FGF1: variants seen among roughly 807,000 people sequenced by gnomAD.
FGF1 encodes the protein beta-endothelial cell growth factor.
In FGF1, 9 loss-of-function variants were observed where a neutral mutation model predicts 13.4. The observed-to-expected ratio is 0.67, with a 90% CI of 0.40 to 1.17. The LOEUF (loss-of-function observed/expected upper bound fraction) is 1.17. Ranked by LOEUF, FGF1 falls within the 50% of genes most tolerant of loss-of-function variation. The pLI is 0.01. For missense variants in FGF1, 156 were observed against 192.7 expected, an observed-to-expected ratio of 0.81 and a Z score of 1.13; for synonymous variants, 93 against 79.0, an observed-to-expected ratio of 1.18 and a Z score of -0.94.
intron 1 of FGF1, among the ~76,000 whole-genome samples, chr5:142,668,160 T>C (rs1331958202): frequency 6.6e-6 from 1 of 152,266 alleles, no homozygotes; most frequent in Non-Finnish European, 1.5e-5. Context: ...GCAGAGGCCA[T>C]GGTAGCTGGG....
At chr5:142,600,666 T>C (rs1554075133) in intron 3 of FGF1, 36 bp downstream of exon 3, 2 of 1,445,044 alleles carry the variant, frequency 1.4e-6, no homozygotes, top group Admixed American at 1.7e-5. Context: ...CCTCAAACCT[T>C]GGCCACGTCT....
chr5:142,672,522 T>TTTTTTGGA (rs1771689196), intron 1 of FGF1, among the ~76,000 whole-genome samples: 1 of 132,496 alleles, frequency 7.5e-6, no homozygotes. Context: ...TTTTTTTTTT[T>TTTTTTGGA]GAAACCAAGT....
chr5:142,630,056 G>T (rs1763117334), intron 1 of FGF1, among the ~76,000 whole-genome samples: 1 of 151,840 alleles, frequency 6.6e-6, no homozygotes, highest in Non-Finnish European at 1.5e-5. Context: ...ACCACTCCCA[G>T]CTAATTTTTG....
chr5:142,689,245 A>C (rs1751745424), upstream of FGF1, among the ~76,000 whole-genome samples: 2 of 152,066 alleles, frequency 1.3e-5, no homozygotes, highest in African/African-American at 4.8e-5. Context: ...AGGCACAACA[A>C]ATCTTAATCA....
intron 1 of FGF1, among the ~76,000 whole-genome samples, chr5:142,624,780 A>C (rs1429751736): frequency 6.6e-6 from 1 of 152,238 alleles, no homozygotes; most frequent in Non-Finnish European, 1.5e-5. Context: ...AAGAAAGAAA[A>C]AGAAAGACCT....
At chr5:142,643,068 A>C (rs1271667255) in intron 1 of FGF1, among the ~76,000 whole-genome samples, 1 of 152,208 alleles carries the variant, frequency 6.6e-6, no homozygotes, top group Non-Finnish European at 1.5e-5. Flanking sequence ...AGGCACTTTC[A>C]CATACACTAT....
intron 1 of FGF1, among the ~76,000 whole-genome samples, chr5:142,630,649 T>G (rs1763228879): frequency 6.6e-6 from 1 of 152,178 alleles, no homozygotes; most frequent in Non-Finnish European, 1.5e-5. Context: ...CATGTACCCT[T>G]GGGTCCTTGA....
chr5:142,694,339 C>G (rs530945997), intron 2 of FGF1, among the ~76,000 whole-genome samples: 3 of 152,120 alleles, frequency 2.0e-5, no homozygotes, highest in Non-Finnish European at 4.4e-5. Context: ...AACACCAGCT[C>G]TTTCACACTG....
chr5:142,664,502 C>G (rs1276946186), intron 1 of FGF1, among the ~76,000 whole-genome samples: 1 of 152,232 alleles, frequency 6.6e-6, no homozygotes, highest in Non-Finnish European at 1.5e-5. Flanking sequence ...AATATTTTAT[C>G]AAGCCTCAGA....
At chr5:142,613,258 A>T (rs17223646) in intron 2 of FGF1, among the ~76,000 whole-genome samples, 5,505 of 152,324 alleles carry the variant, frequency 0.036, 121 homozygotes, top group Middle Eastern at 0.048. Context: ...TTATACTTAG[A>T]TAGTCAAGAA....
intron 1 of FGF1, among the ~76,000 whole-genome samples, chr5:142,642,286 A>G (rs1765325002): frequency 6.6e-6 from 1 of 152,150 alleles, no homozygotes; most frequent in Non-Finnish European, 1.5e-5. Flanking sequence ...AAGAACTAGG[A>G]GCTTTGGTTC....
intron 1 of FGF1, among the ~76,000 whole-genome samples, chr5:142,670,840 C>A (rs1771329767): frequency 6.6e-6 from 1 of 152,146 alleles, no homozygotes; most frequent in Non-Finnish European, 1.5e-5. Context: ...TCTCTAGGGC[C>A]ATTTCGGTTT....
At chr5:142,602,408 C>T (rs956034742) in intron 2 of FGF1, among the ~76,000 whole-genome samples, 3 of 152,156 alleles carry the variant, frequency 2.0e-5, no homozygotes, top group Admixed American at 2.0e-4. Flanking sequence ...AATTCCTGAC[C>T]TTATGCTCTG....
At chr5:142,661,668 G>A (rs1403465300) in intron 1 of FGF1, among the ~76,000 whole-genome samples, 1 of 152,092 alleles carries the variant, frequency 6.6e-6, no homozygotes, top group Non-Finnish European at 1.5e-5. Flanking sequence ...GCTACAATGT[G>A]GATGAACCTT....
Position 142,640,491 on chromosome 5 carries a change from T to C in FGF1, c.-34-26330A>G, listed in dbSNP as rs1478768937. The stretch of plus-strand genomic sequence containing the variant: ...GGCCTTTGCCAGGTGGGGTCAGGGT[T>C]GTGCACAGAGCCACATGCACCTAAG... On this transcript the variant is annotated intron_variant, in intron 1 of 3. Coordinates refer to ENST00000337706, the MANE Select transcript of FGF1 (RefSeq NM_000800.5). Among the ~76,000 whole-genome samples, 2 of 148,652 alleles carry C rather than the reference T, an allele frequency of 1.3e-5. 1 individual carries two copies. The highest frequency in any genetic ancestry group is 5.0e-5 in the African/African-American group (2 of 40,226).
At chr5:142,608,330 G>A (rs142516555) in intron 2 of FGF1, among the ~76,000 whole-genome samples, 27 of 151,992 alleles carry the variant, frequency 1.8e-4, no homozygotes, top group East Asian at 1.7e-3. Context: ...GTCCTTTGCC[G>A]TGTTTACCCA....
rs961321921 is a variant in FGF1, at chr5:142,620,511, C to T, written c.-34-6350G>A. Among the ~76,000 whole-genome samples, 8 of 152,182 alleles carry T rather than the reference C, an allele frequency of 5.3e-5. No homozygotes were observed. In the East Asian group the frequency reaches 1.5e-3, roughly 29 times the overall value. On this transcript the variant is annotated intron_variant, in intron 1 of 3. Coordinates refer to ENST00000337706, the MANE Select transcript of FGF1 (RefSeq NM_000800.5). ...TGACTAAAGATAAAAGGGATTGCCA[C>T]ATAATAAGTGGATTAATTCAACAGA...
At chr5:142,640,486 A>G (rs1765021852) in intron 1 of FGF1, among the ~76,000 whole-genome samples, 1 of 149,040 alleles carries the variant, frequency 6.7e-6, no homozygotes, top group Admixed American at 6.8e-5. Flanking sequence ...AGGTGGGGTC[A>G]GGGTTGTGCA....
intron 2 of FGF1, among the ~76,000 whole-genome samples, chr5:142,693,887 A>G (rs934933265): frequency 5.9e-5 from 9 of 152,184 alleles, no homozygotes; most frequent in African/African-American, 2.2e-4. Context: ...ATTTCATTGC[A>G]TGGATACACC....
Sources: allele counts gnomAD v4.1 joint callset (sites outside exome capture counted in the v4.1 genomes callset), GRCh38; gene constraint gnomAD v4.1.1; transcripts MANE v1.5; gene names NCBI Gene and HGNC (gene_info 2026-07-23, HGNC 2026-07-21).